The following MAGI1 variants were observed in gnomAD, a reference collection of about 807,000 sequenced individuals.
MAGI1 encodes membrane associated guanylate kinase, WW and PDZ domain containing 1, also known as membrane-associated guanylate kinase, WW and PDZ domain-containing protein 1.
A neutral mutation model predicts 139.9 loss-of-function variants in MAGI1; 58 were observed. That is an observed-to-expected ratio of 0.41 (90% confidence interval 0.34 to 0.52). The LOEUF is 0.52. MAGI1 is among the 20% of genes least tolerant of loss of function. The pLI is 0.12. For missense variants in MAGI1, 1,874 were observed against 1,901.6 expected (o/e 0.99, Z 0.27); for synonymous variants, 812 against 737.9 (o/e 1.10, Z -1.63).
intron 1 of MAGI1, among the ~76,000 whole-genome samples, chr3:65,870,730 AG>A (rs2059910088): frequency 6.6e-6 from 1 of 151,150 alleles, no homozygotes; most frequent in South Asian, 2.1e-4. Context: ...AAAAAAAAAA[AG>A]AAAGAATGAA....
At chr3:65,927,228 C>T (rs1167634151) in intron 1 of MAGI1, among the ~76,000 whole-genome samples, 2 of 152,316 alleles carry the variant, frequency 1.3e-5, no homozygotes, top group South Asian at 2.1e-4. Context: ...GCCTCAAATT[C>T]TTTCTTGTGC....
chr3:65,780,957 C>T lies in MAGI1; in HGVS notation c.314-158869G>A, dbSNP rs1267130634. On this transcript the variant is annotated intron_variant, in intron 1 of 22. Coordinates refer to ENST00000402939, the MANE Select transcript of MAGI1 (RefSeq NM_001033057.2). ...TGGATGGGCTGGGCATGGTGGCTCA[C>T]GCCTATAATCCTAGCACATTGGGAG... Among the ~76,000 whole-genome samples, 10 of 152,188 alleles carry T rather than the reference C, an allele frequency of 6.6e-5. No individual in the cohort carries two copies. The East Asian group carries it at 7.7e-4, about 12-fold the overall frequency.
intron 3 of MAGI1, among the ~76,000 whole-genome samples, chr3:65,488,532 G>A (rs1471262286): frequency 6.6e-6 from 1 of 150,838 alleles, no homozygotes; most frequent in Non-Finnish European, 1.5e-5. Flanking sequence ...GTACAGAGGG[G>A]ATTTTACCAT....
At chr3:65,544,277 T>C (rs1313637162) in intron 2 of MAGI1, among the ~76,000 whole-genome samples, 1 of 152,184 alleles carries the variant, frequency 6.6e-6, no homozygotes, top group Non-Finnish European at 1.5e-5. Flanking sequence ...TGTAAACAAC[T>C]AAACAGCAAA....
At chr3:65,668,562 CTTTTTTTTT>C (rs58434479) in intron 1 of MAGI1, among the ~76,000 whole-genome samples, 1 of 79,892 alleles carries the variant, frequency 1.3e-5, no homozygotes, top group Non-Finnish European at 2.4e-5. Flanking sequence ...CCTTTTTTTT[CTTTTTTTTT>C]TTTTTTTTTT....
At chr3:65,772,623 AAC>A (rs1489418671) in intron 1 of MAGI1, among the ~76,000 whole-genome samples, 5 of 152,242 alleles carry the variant, frequency 3.3e-5, no homozygotes, top group Non-Finnish European at 7.3e-5. Flanking sequence ...GAGTGAAGCA[AAC>A]ACAGAGGAAG....
chr3:65,667,668 C>T (rs1266719960), intron 1 of MAGI1, among the ~76,000 whole-genome samples: 1 of 152,142 alleles, frequency 6.6e-6, no homozygotes, highest in Non-Finnish European at 1.5e-5. Context: ...ACCTCCTGGG[C>T]TCAAGTGATC....
intron 6 of MAGI1, among the ~76,000 whole-genome samples, chr3:65,452,339 C>T (rs567558843): frequency 6.6e-6 from 1 of 152,248 alleles, no homozygotes; most frequent in African/African-American, 2.4e-5. Context: ...TTCAAAAAAT[C>T]TTCAAGTTTA....
chr3:65,817,481 T>C (rs1025514251), intron 1 of MAGI1, among the ~76,000 whole-genome samples: 3 of 152,154 alleles, frequency 2.0e-5, no homozygotes, highest in Non-Finnish European at 2.9e-5. Flanking sequence ...GGTACCAATC[T>C]ACATGAAAAC....
chr3:65,466,291 G>A (rs1464285516), intron 5 of MAGI1, among the ~76,000 whole-genome samples: 2 of 152,062 alleles, frequency 1.3e-5, no homozygotes, highest in East Asian at 1.9e-4. Context: ...TGATTCTTAG[G>A]ATAATAAGTG....
In MAGI1 at chr3:65,763,882, G is replaced by A. The variant is rs183214289; in HGVS notation, c.314-141794C>T. Among the ~76,000 whole-genome samples the A allele has an allele frequency of 1.1e-4, 17 of 151,876 alleles. No homozygotes were observed. In the East Asian group the frequency reaches 2.9e-3, roughly 26 times the overall value. ...GCACAGGAGTTCAAGACCAGCCTGG[G>A]CAACATGGAGAAACCCCATCTCTAC... On this transcript the variant is annotated intron_variant, in intron 1 of 22. Transcript: ENST00000402939.
chr3:65,547,138 T>C (rs1477872111), intron 2 of MAGI1, among the ~76,000 whole-genome samples: 1 of 152,154 alleles, frequency 6.6e-6, no homozygotes, highest in Non-Finnish European at 1.5e-5. Flanking sequence ...AACCCCAAGA[T>C]TTCTTGAGCA....
chr3:65,583,094 G>C (rs192659373), intron 2 of MAGI1, among the ~76,000 whole-genome samples: 1 of 152,124 alleles, frequency 6.6e-6, no homozygotes, highest in Admixed American at 6.5e-5. Context: ...GAGATATTTT[G>C]CCTTTTATCT....
intron 1 of MAGI1, among the ~76,000 whole-genome samples, chr3:65,915,838 A>C (rs966245381): frequency 6.6e-6 from 1 of 152,002 alleles, no homozygotes; most frequent in African/African-American, 2.4e-5. Context: ...TTATTTCTAA[A>C]AATAAATAAC....
intron 1 of MAGI1, among the ~76,000 whole-genome samples, chr3:65,638,586 A>C: frequency 1.7e-5 from 2 of 120,788 alleles, no homozygotes; most frequent in Admixed American, 1.0e-4. Context: ...GTGCGCCACC[A>C]TGCTCTCCTG....
intron 1 of MAGI1, among the ~76,000 whole-genome samples, chr3:65,627,331 A>G (rs1288916850): frequency 1.3e-5 from 2 of 152,068 alleles, no homozygotes; most frequent in African/African-American, 4.8e-5. Flanking sequence ...ATTTCTTAGA[A>G]TGTATTCCAG....
chr3:65,867,007 T>G (rs1429167379), intron 1 of MAGI1, among the ~76,000 whole-genome samples: 1 of 152,196 alleles, frequency 6.6e-6, no homozygotes, highest in South Asian at 2.1e-4. Context: ...GCTGAAGACC[T>G]AGATGTCTGG....
At chr3:65,370,756 G>A (rs917503321) in intron 18 of MAGI1, among the ~76,000 whole-genome samples, 2 of 152,120 alleles carry the variant, frequency 1.3e-5, no homozygotes, top group Non-Finnish European at 2.9e-5. Context: ...CCATCCTCCC[G>A]CCAGCGTATC....
chr3:66,001,995 C>T (rs1367553859), intron 1 of MAGI1, among the ~76,000 whole-genome samples: 8 of 152,312 alleles, frequency 5.3e-5, no homozygotes, highest in Admixed American at 3.9e-4. Context: ...CTTCCCGCCT[C>T]AAGTCTTATA....
Sources: gnomAD v4.1 joint callset for allele counts (sites outside exome capture counted in the v4.1 genomes callset) on GRCh38, gnomAD v4.1.1 for gene constraint, MANE v1.5 for transcripts, NCBI Gene and HGNC (gene_info 2026-07-23, HGNC 2026-07-21) for gene names.